The following NRXN3 variants were observed in gnomAD, a reference collection of about 807,000 sequenced individuals.
NRXN3 encodes neurexin 3, also known as neurexin III.
A neutral mutation model predicts 137.6 loss-of-function variants in NRXN3; 32 were observed. That is an observed-to-expected ratio of 0.23 (90% CI 0.18 to 0.31). NRXN3 has a LOEUF of 0.31. NRXN3 is among the 10% of genes least tolerant of loss of function. The pLI, the probability that NRXN3 is intolerant of heterozygous loss-of-function variation, is 1.00. For missense variants in NRXN3, 1,574 were observed against 2,062.5 expected (o/e 0.76, Z 4.59); for synonymous variants, 798 against 784.5 (o/e 1.02, Z -0.29).
chr14:78,835,208 A>G (rs1305387031), intron 10 of NRXN3, among the ~76,000 whole-genome samples: 6 of 152,144 alleles, frequency 3.9e-5, no homozygotes, highest in Non-Finnish European at 8.8e-5. Context: ...GTGGCGGACA[A>G]TCAGTTAAGA....
chr14:78,248,292 A>ACC (rs2067993284), intron 2 of NRXN3, among the ~76,000 whole-genome samples: 1 of 6,684 alleles, frequency 1.5e-4, no homozygotes, highest in Non-Finnish European at 3.3e-4. Context: ...GTGACTAGCC[A>ACC]CCGCCCCCCG....
chr14:79,767,812 C>T (rs529191396), intron 19 of NRXN3, among the ~76,000 whole-genome samples: 8 of 152,278 alleles, frequency 5.3e-5, no homozygotes, highest in Admixed American at 2.6e-4. Context: ...CAGCTCCCAG[C>T]GGGAGCAACG....
rs541757322 is a variant in NRXN3 at position 78,372,232 on chromosome 14, C to T, written c.757+74372C>T. Among the ~76,000 whole-genome samples the T allele has an allele frequency of 9.5e-4, 144 of 151,190 alleles. 1 individual carries two copies. Among genetic ancestry groups the T allele is most frequent in the Non-Finnish European group, 1.6e-3 (109 of 67,854 alleles). On this transcript the variant is annotated intron_variant, in intron 4 of 20. Coordinates refer to ENST00000335750, the MANE Select transcript of NRXN3 (RefSeq NM_001330195.2). ...GATATAATCATCAGGCTAATCCCTA[C>T]GATGACTAAAAGTTGTGGTGGTTGC...
At chr14:78,839,146 T>G (rs1267394524) in intron 10 of NRXN3, among the ~76,000 whole-genome samples, 2 of 152,128 alleles carry the variant, frequency 1.3e-5, no homozygotes, top group Admixed American at 1.3e-4. Flanking sequence ...AATTTTAAAT[T>G]GTGTGAAAAT....
chr14:78,891,213 G>A (rs1316193368), intron 10 of NRXN3, among the ~76,000 whole-genome samples: 1 of 151,860 alleles, frequency 6.6e-6, no homozygotes, highest in Non-Finnish European at 1.5e-5. Flanking sequence ...GTTGGGCCAA[G>A]TAAGCCTTCT....
intron 3 of NRXN3, among the ~76,000 whole-genome samples, chr14:78,290,716 C>A (rs985367869): frequency 6.6e-6 from 1 of 152,182 alleles, no homozygotes; most frequent in Non-Finnish European, 1.5e-5. Flanking sequence ...CAATCCCACG[C>A]TGTCTCCTGT....
intron 16 of NRXN3, among the ~76,000 whole-genome samples, chr14:79,599,971 G>A (rs765362139): frequency 6.6e-6 from 1 of 152,194 alleles, no homozygotes; most frequent in Non-Finnish European, 1.5e-5. Flanking sequence ...CTCCAGCCTA[G>A]GCAACAGAGT....
intron 4 of NRXN3, among the ~76,000 whole-genome samples, chr14:78,392,759 TGAG>T (rs1438751973): frequency 6.6e-6 from 1 of 152,146 alleles, no homozygotes; most frequent in East Asian, 1.9e-4. Context: ...ATTTTACAAA[TGAG>T]GATCAATCTG....
In NRXN3 at chr14:78,823,018, G is replaced by C. The variant is rs568865503; in HGVS notation, c.2275+12674G>C. 4.6e-5 allele frequency among the ~76,000 whole-genome samples: 7 copies of C among 152,218 alleles called. No homozygotes were observed. In the East Asian group the frequency reaches 9.7e-4, roughly 21 times the overall value. Reference sequence around the variant, plus strand: ...AGCTCAGCTCTATAGGCATATTAGTGCCCCATGCTTGCCATAACCAGTCTC... The same window carrying C: ...AGCTCAGCTCTATAGGCATATTAGTCCCCCATGCTTGCCATAACCAGTCTC... On this transcript the variant is annotated intron_variant, in intron 10 of 20. Transcript: ENST00000335750.
intron 15 of NRXN3, among the ~76,000 whole-genome samples, chr14:79,051,231 T>C (rs895421595): frequency 6.6e-6 from 1 of 151,158 alleles, no homozygotes; most frequent in Non-Finnish European, 1.5e-5. Flanking sequence ...GAAAAAAAAA[T>C]AGCTAAAACC....
chr14:79,524,500 G>A (rs752651616), intron 16 of NRXN3, among the ~76,000 whole-genome samples: 3 of 152,054 alleles, frequency 2.0e-5, no homozygotes, highest in Admixed American at 6.6e-5. Flanking sequence ...TATGATGATC[G>A]ACAATAAAGA....
chr14:79,862,084 A>C lies in NRXN3; in HGVS notation c.*120A>C. The C allele has an allele frequency of 2.8e-3, 1,993 of 709,654 alleles. No homozygotes were observed. Among genetic ancestry groups the C allele is most frequent in the East Asian group, 4.7e-3 (149 of 31,396 alleles). 44.0% of individuals were successfully genotyped at this position (709,654 alleles called of 1,614,324 possible). A position where few individuals can be genotyped will look rare whatever the true frequency, so the allele number is the denominator to read the frequency against. On this transcript the variant is annotated 3_prime_UTR_variant, in exon 21 of 21. Transcript: ENST00000335750. Reference sequence around the variant, plus strand: ...CTGGAACTATGAAATGGGGTATATAACCACGACTCTGGTGGGGAAAACCGT... The same window carrying C: ...CTGGAACTATGAAATGGGGTATATACCCACGACTCTGGTGGGGAAAACCGT...
chr14:79,442,351 T>G (rs1338560934), intron 15 of NRXN3, among the ~76,000 whole-genome samples: 2 of 152,196 alleles, frequency 1.3e-5, no homozygotes, highest in Non-Finnish European at 2.9e-5. Flanking sequence ...TTAAGTAATG[T>G]TCATGGGGAG....
chr14:78,861,491 T>A (rs2099072210), intron 10 of NRXN3, among the ~76,000 whole-genome samples: 1 of 152,074 alleles, frequency 6.6e-6, no homozygotes, highest in African/African-American at 2.4e-5. Context: ...TCCTCTGAGG[T>A]GTTTTGATAC....
rs370374713 is a variant in NRXN3, at chr14:79,016,352, C to A, written c.3262+28211C>A. Among the ~76,000 whole-genome samples, 21 of 152,242 alleles carry A rather than the reference C, an allele frequency of 1.4e-4. No homozygotes were observed. The East Asian group carries it at 3.7e-3, about 27-fold the overall frequency. On this transcript the variant is annotated intron_variant, in intron 15 of 20. Transcript: ENST00000335750. The stretch of plus-strand genomic sequence containing the variant: ...CTTAGGCCCTTTTTATGCAGAAATG[C>A]CTGATCTCCAGGCTCAAAAAAAGCA...
chr14:78,627,020 C>T (rs2097466514), intron 4 of NRXN3, among the ~76,000 whole-genome samples: 1 of 151,952 alleles, frequency 6.6e-6, no homozygotes, highest in Admixed American at 6.6e-5. Context: ...TGGGAGAATC[C>T]AATCTTCTTT....
chr14:79,740,712 T>TTATATATATATATATA (rs869216055), intron 19 of NRXN3, among the ~76,000 whole-genome samples: 1 of 16,136 alleles, frequency 6.2e-5, no homozygotes, highest in Non-Finnish European at 1.0e-4. Flanking sequence ...ATTTAGTTTT[T>TTATATATATATATATA]TATATATATA....
chr14:79,772,518 T>C (rs1385115685), intron 19 of NRXN3, among the ~76,000 whole-genome samples: 4 of 152,064 alleles, frequency 2.6e-5, no homozygotes, highest in African/African-American at 4.8e-5. Context: ...GAAAAACAAG[T>C]AATGGGGAAA....
chr14:78,978,383 T>G (rs1401823097), intron 14 of NRXN3, among the ~76,000 whole-genome samples: 2 of 152,108 alleles, frequency 1.3e-5, no homozygotes, highest in African/African-American at 4.8e-5. Context: ...TGACCTAGAG[T>G]ATTCGCGTCT....
Sources: allele counts gnomAD v4.1 joint callset (sites outside exome capture counted in the v4.1 genomes callset), GRCh38; gene constraint gnomAD v4.1.1; transcripts MANE v1.5; gene names NCBI Gene and HGNC (gene_info 2026-07-23, HGNC 2026-07-21).